The following MAP4K3 variants were observed in gnomAD, a reference collection of about 807,000 sequenced individuals.
MAP4K3 encodes the protein mitogen-activated protein kinase kinase kinase kinase 3, also known as MAPK/ERK kinase kinase kinase 3.
MAP4K3 carries 94 observed loss-of-function variants against 143.5 expected under a neutral mutation model. The ratio of observed to expected loss-of-function variants is 0.65; its 90% CI spans 0.55 to 0.78. MAP4K3 has a LOEUF of 0.78. MAP4K3 is among the 30% of genes least tolerant of loss of function. MAP4K3 has a pLI of 0.00. For missense variants in MAP4K3, 1,077 were observed against 1,068.1 expected (o/e 1.01, Z -0.12); for synonymous variants, 416 against 347.2 (o/e 1.20, Z -2.20).
At chr2:39,419,147 C>T (rs1205748729) in intron 1 of MAP4K3, among the ~76,000 whole-genome samples, 3 of 151,890 alleles carry the variant, frequency 2.0e-5, no homozygotes, top group Non-Finnish European at 4.4e-5. Context: ...ATAGTATGAA[C>T]TTAAAAAGAT....
At chr2:39,346,503 A>C (rs1665296834) in intron 3 of MAP4K3, among the ~76,000 whole-genome samples, 1 of 152,214 alleles carries the variant, frequency 6.6e-6, no homozygotes. Flanking sequence ...ATCACTTTAA[A>C]ATGCTTCGGC....
At chr2:39,264,833 C>T (rs3770671) in intron 28 of MAP4K3, among the ~76,000 whole-genome samples, 104,476 of 152,078 alleles carry the variant, frequency 0.69, 39,684 homozygotes, top group Non-Finnish European at 0.84. Flanking sequence ...ATTATGGTTA[C>T]CCCTAGTTCT....
At chr2:39,309,790 C>T (rs558264533) in intron 13 of MAP4K3, among the ~76,000 whole-genome samples, 1 of 151,812 alleles carries the variant, frequency 6.6e-6, no homozygotes, top group African/African-American at 2.4e-5. Flanking sequence ...GATCCCCTGA[C>T]CTCGTGATCC....
At chr2:39,362,369 C>T (rs776213188) in intron 2 of MAP4K3, among the ~76,000 whole-genome samples, 5 of 152,062 alleles carry the variant, frequency 3.3e-5, no homozygotes, top group African/African-American at 4.8e-5. Context: ...ACTGTTAGCA[C>T]TAATAAACAA....
intron 1 of MAP4K3, among the ~76,000 whole-genome samples, chr2:39,387,383 C>G (rs1236696210): frequency 1.3e-5 from 2 of 152,174 alleles, no homozygotes; most frequent in African/African-American, 4.8e-5. Flanking sequence ...GCAGGTGTCT[C>G]TGTTTATTTA....
chr2:39,285,875 G>C (rs1365873208), intron 21 of MAP4K3, among the ~76,000 whole-genome samples: 1 of 152,164 alleles, frequency 6.6e-6, no homozygotes, highest in Non-Finnish European at 1.5e-5. Context: ...ATGTCTTCCA[G>C]TGATTGTAAG....
intron 2 of MAP4K3, among the ~76,000 whole-genome samples, chr2:39,366,730 T>C (rs1665934796): frequency 6.6e-6 from 1 of 152,200 alleles, no homozygotes; most frequent in Non-Finnish European, 1.5e-5. Context: ...AAGTTGTCAA[T>C]TACTGTGTCA....
chr2:39,301,781 C>T (rs888111711), intron 15 of MAP4K3, among the ~76,000 whole-genome samples: 4 of 152,006 alleles, frequency 2.6e-5, no homozygotes, highest in Non-Finnish European at 5.9e-5. Context: ...CCCAGCACTT[C>T]GGGAGGGCCG....
rs994321995 is a variant in MAP4K3 at position 39,337,121 on chromosome 2, A to T, written c.367-154T>A. Among the ~76,000 whole-genome samples, 3 of 151,938 alleles carry T rather than the reference A, an allele frequency of 2.0e-5. No individual in the cohort carries two copies. The South Asian group carries it at 6.2e-4, about 32-fold the overall frequency. ...TTAACATATTTTAATGAGATATCCT[A>T]AAAAAAGATCAAGAAAATGACTAAT... On this transcript the variant is annotated intron_variant, in intron 5 of 33. Transcript: ENST00000263881.
intron 3 of MAP4K3, among the ~76,000 whole-genome samples, chr2:39,345,071 A>G (rs1356304387): frequency 1.3e-5 from 2 of 152,178 alleles, no homozygotes; most frequent in East Asian, 3.8e-4. Flanking sequence ...TGAACAATAC[A>G]TTAAAAAGTG....
intron 1 of MAP4K3, among the ~76,000 whole-genome samples, chr2:39,398,741 A>AATAATC (rs1241809673): frequency 2.4e-5 from 3 of 127,354 alleles, no homozygotes; most frequent in African/African-American, 3.3e-5. Context: ...TAATAATAAT[A>AATAATC]ATAATGATGA....
intron 2 of MAP4K3, among the ~76,000 whole-genome samples, chr2:39,376,568 G>A (rs1487509711): frequency 6.6e-6 from 1 of 152,132 alleles, no homozygotes; most frequent in Non-Finnish European, 1.5e-5. Context: ...AGTACTATGT[G>A]CCAGGCCCTA....
At chr2:39,336,334 A>T (rs1664958448) in intron 6 of MAP4K3, among the ~76,000 whole-genome samples, 1 of 151,892 alleles carries the variant, frequency 6.6e-6, no homozygotes, top group African/African-American at 2.4e-5. Flanking sequence ...TTAGCCAAGC[A>T]TGGTGGCAGG....
At chr2:39,327,194 CCT>C (rs1683519424) in intron 8 of MAP4K3, among the ~76,000 whole-genome samples, 1 of 152,104 alleles carries the variant, frequency 6.6e-6, no homozygotes, top group Non-Finnish European at 1.5e-5. Context: ...CCAGGCAATC[CCT>C]GTTTTTACTT....
chr2:39,377,990 A>G (rs1474745047), intron 2 of MAP4K3, 76 bp downstream of exon 2: 6 of 876,260 alleles, frequency 6.8e-6, no homozygotes, highest in African/African-American at 1.7e-5. Context: ...AATGTTAACC[A>G]AACATCATTA....
At chr2:39,284,340 T>C (rs908280258) in intron 21 of MAP4K3, among the ~76,000 whole-genome samples, 1 of 152,136 alleles carries the variant, frequency 6.6e-6, no homozygotes, top group African/African-American at 2.4e-5. Context: ...TCTGTATTTG[T>C]AGTAGAGATG....
At chr2:39,436,096 G>A (rs1665461629) in intron 1 of MAP4K3, among the ~76,000 whole-genome samples, 2 of 152,202 alleles carry the variant, frequency 1.3e-5, no homozygotes, top group Admixed American at 6.5e-5. Context: ...CTTCTTGGCA[G>A]TAACTGTGAG....
chr2:39,354,724 A>G (rs981733456), intron 3 of MAP4K3, among the ~76,000 whole-genome samples: 3 of 152,068 alleles, frequency 2.0e-5, no homozygotes, highest in Non-Finnish European at 4.4e-5. Context: ...AAGGTGGGGC[A>G]ATCAAAGCTG....
At chr2:39,363,983 T>G (rs558021636) in intron 2 of MAP4K3, among the ~76,000 whole-genome samples, 2 of 103,884 alleles carry the variant, frequency 1.9e-5, no homozygotes, top group African/African-American at 3.1e-5. Flanking sequence ...CCTGTTCAGA[T>G]AGCCATTATA....
Sources: allele counts gnomAD v4.1 joint callset (sites outside exome capture counted in the v4.1 genomes callset), GRCh38; gene constraint gnomAD v4.1.1; transcripts MANE v1.5; gene names NCBI Gene and HGNC (gene_info 2026-07-23, HGNC 2026-07-21).